AGAP1: variants seen among roughly 807,000 people sequenced by gnomAD.
The protein encoded by AGAP1 is arf-GAP with GTPase, ANK repeat and PH domain-containing protein 1.
In AGAP1, 29 loss-of-function variants were observed where a neutral mutation model predicts 105.3. That is an observed-to-expected ratio of 0.28 (90% confidence interval 0.21 to 0.38). The LOEUF is 0.38. Among genes scored for constraint, AGAP1 ranks in the 10% least tolerant of loss-of-function variants. The pLI, the probability that AGAP1 is intolerant of heterozygous loss-of-function variation, is 1.00. For missense variants in AGAP1, 998 were observed against 1,165.1 expected (o/e 0.86, Z 2.09); for synonymous variants, 509 against 485.9 (o/e 1.05, Z -0.63).
At position 235,930,895 on chromosome 2, in the gene AGAP1, G is replaced by A. The variant is rs139269631; in HGVS notation, c.1455G>A (p.Thr485=). 1.4e-5 allele frequency: 22 copies of A among 1,613,888 alleles called. No individual in the cohort carries two copies. Among genetic ancestry groups the A allele is most frequent in the African/African-American group, 6.7e-5 (5 of 74,894 alleles). The part of the protein sequence containing the change: ...VSSADQWSEA[T]VIANSAISSD... ...GTGCCGACCAGTGGAGTGAGGCTACGGTCATTGCAAACTCGGCCATCAGCA... is the reference window on the plus strand; with the variant it reads ...GTGCCGACCAGTGGAGTGAGGCTACAGTCATTGCAAACTCGGCCATCAGCA... The change falls in exon 12 of 18, where the codon ACG becomes ACA. Residue 485 remains threonine, a synonymous_variant. Coordinates refer to ENST00000304032, the MANE Select transcript of AGAP1 (RefSeq NM_001037131.3). The surrounding 1 kb of genome is among the most constrained non-coding windows in gnomAD (Gnocchi z 7.9).
intron 1 of AGAP1, among the ~76,000 whole-genome samples, chr2:235,681,350 C>T (rs1346778589): frequency 1.3e-5 from 2 of 152,148 alleles, no homozygotes; most frequent in African/African-American, 2.4e-5. Context: ...TTCTTACGCG[C>T]CTCCCGAGGA....
chr2:235,734,395 G>A lies in AGAP1; in HGVS notation c.311-6568G>A, dbSNP rs747835368. Among the ~76,000 whole-genome samples the A allele has an allele frequency of 3.9e-5, 6 of 152,180 alleles. No individual in the cohort carries two copies. The highest frequency in any genetic ancestry group is 5.9e-5 in the Non-Finnish European group (4 of 68,000). On this transcript the variant is annotated intron_variant, in intron 3 of 17. Transcript: ENST00000304032. This position sits in a 1 kb window ranked among gnomAD's most constrained non-coding sequence, Gnocchi z 5.3. ...CCAGCTTGCATCTGCTGAAAGAACCGGGGTGGCCCCACTGCATCTTGATCA... is the reference window on the plus strand; with the variant it reads ...CCAGCTTGCATCTGCTGAAAGAACCAGGGTGGCCCCACTGCATCTTGATCA...
intron 1 of AGAP1, among the ~76,000 whole-genome samples, chr2:235,511,596 A>G (rs983910596): frequency 3.9e-5 from 6 of 152,092 alleles, no homozygotes; most frequent in African/African-American, 1.4e-4. Context: ...TTATTAACCT[A>G]TGCTGGGCCC....
Position 235,608,652 on chromosome 2 carries a change from A to G in AGAP1, c.164-100527A>G, listed in dbSNP as rs2149249974. Among the ~76,000 whole-genome samples the G allele has an allele frequency of 6.6e-6, 1 of 152,316 alleles. No homozygotes were observed. The highest frequency in any genetic ancestry group is 2.4e-5 in the African/African-American group (1 of 41,570). On this transcript the variant is annotated intron_variant, in intron 1 of 17. Coordinates refer to ENST00000304032, the MANE Select transcript of AGAP1 (RefSeq NM_001037131.3). The surrounding 1 kb of genome is among the most constrained non-coding windows in gnomAD (Gnocchi z 5.4). ...CCCAGGCCCAGAAAACAGTGGAGCC[A>G]AGAGAGGAACGAGGTCTCTGGATTC...
Position 235,692,404 on chromosome 2 carries a change from G to A in AGAP1, c.164-16775G>A, listed in dbSNP as rs181062023. Among the ~76,000 whole-genome samples, 175 of 152,232 alleles carry A rather than the reference G, an allele frequency of 1.1e-3. 1 individual carries two copies. In the South Asian group the frequency reaches 0.013, roughly 11 times the overall value. On this transcript the variant is annotated intron_variant, in intron 1 of 17. Coordinates refer to ENST00000304032, the MANE Select transcript of AGAP1 (RefSeq NM_001037131.3). This position sits in a 1 kb window ranked among gnomAD's most constrained non-coding sequence, Gnocchi z 5.8. ...CCAGGTGCACATCGAGCCTAATCTG[G>A]CTTAGGAAACAGGAGGGGCACCAGC...
chr2:235,987,085 A>G (rs532026088), intron 13 of AGAP1, among the ~76,000 whole-genome samples: 1 of 151,890 alleles, frequency 6.6e-6, no homozygotes, highest in East Asian at 1.9e-4. Context: ...TTCAGCTGTG[A>G]ATCTGGTCCT....
intron 6 of AGAP1, among the ~76,000 whole-genome samples, chr2:235,765,959 A>G (rs1954916799): frequency 6.6e-6 from 1 of 152,114 alleles, no homozygotes; most frequent in Non-Finnish European, 1.5e-5. Context: ...ACCTAGCTCG[A>G]CCCTTCCCTT....
chr2:235,939,843 A>C (rs2053176100), intron 12 of AGAP1, among the ~76,000 whole-genome samples: 1 of 152,064 alleles, frequency 6.6e-6, no homozygotes, highest in South Asian at 2.1e-4. Flanking sequence ...CTCAGACGAT[A>C]GATGTGGCCC....
rs961710116 is a variant in AGAP1, at chr2:236,068,133, G to T, written c.2114+18852G>T. ...CTAAAAATACGAAATTTAGCTGGGC[G>T]TTGTGGCATGTGCCTGTAATCCCAG... On this transcript the variant is annotated intron_variant, in intron 16 of 17. Coordinates refer to ENST00000304032, the MANE Select transcript of AGAP1 (RefSeq NM_001037131.3). Among the ~76,000 whole-genome samples, 4 of 152,136 alleles carry T rather than the reference G, an allele frequency of 2.6e-5. No homozygotes were observed. In the East Asian group the frequency reaches 7.7e-4, roughly 29 times the overall value.
Position 235,738,383 on chromosome 2 carries a change from T to C in AGAP1, c.311-2580T>C, listed in dbSNP as rs1952374265. Reference sequence around the variant, plus strand: ...TTTCACAGGTGAGGAAACTGAGGCATCGAGCAGTTGAGTTACGTGCTGGAG... The same window carrying C: ...TTTCACAGGTGAGGAAACTGAGGCACCGAGCAGTTGAGTTACGTGCTGGAG... On this transcript the variant is annotated intron_variant, in intron 3 of 17. Coordinates refer to ENST00000304032, the MANE Select transcript of AGAP1 (RefSeq NM_001037131.3). Among the ~76,000 whole-genome samples, 6 of 152,000 alleles carry C rather than the reference T, an allele frequency of 3.9e-5. No homozygotes were observed. In the South Asian group the frequency reaches 1.2e-3, roughly 32 times the overall value.
intron 16 of AGAP1, among the ~76,000 whole-genome samples, chr2:236,054,816 C>T (rs1371158223): frequency 6.6e-6 from 1 of 152,146 alleles, no homozygotes; most frequent in Non-Finnish European, 1.5e-5. Context: ...GTTAATTTGC[C>T]ACGATCACCG....
At chr2:236,013,542 G>A (rs2056591019) in intron 13 of AGAP1, among the ~76,000 whole-genome samples, 3 of 152,056 alleles carry the variant, frequency 2.0e-5, no homozygotes, top group Non-Finnish European at 2.9e-5. Flanking sequence ...CAGCCTGGCT[G>A]CCTGCTTTGC....
rs1030294478 is a variant in AGAP1 at position 235,721,293 on chromosome 2, C to A, written c.310+3649C>A. On this transcript the variant is annotated intron_variant, in intron 3 of 17. Transcript: ENST00000304032. The surrounding 1 kb of genome is among the most constrained non-coding windows in gnomAD (Gnocchi z 4.5). ...AAAGTGCTGGGATTACAGGCATGAG[C>A]CACCACGTCCAGCCAAGACTTAGAT... Among the ~76,000 whole-genome samples, 1 of 152,208 alleles carries A rather than the reference C, an allele frequency of 6.6e-6. No homozygotes were observed. Among genetic ancestry groups the A allele is most frequent in the African/African-American group, 2.4e-5 (1 of 41,450 alleles).
chr2:235,545,851 G>A (rs575733940), intron 1 of AGAP1, among the ~76,000 whole-genome samples: 1 of 152,190 alleles, frequency 6.6e-6, no homozygotes, highest in Non-Finnish European at 1.5e-5. Flanking sequence ...ACACACCTCC[G>A]ATATCTGGTG....
At chr2:235,818,120 A>C (rs1237686017) in intron 9 of AGAP1, among the ~76,000 whole-genome samples, 1 of 152,212 alleles carries the variant, frequency 6.6e-6, no homozygotes, top group Admixed American at 6.5e-5. Flanking sequence ...CATCAGAATC[A>C]ACCACATTAT....
chr2:235,598,786 T>C (rs2149229528), intron 1 of AGAP1, among the ~76,000 whole-genome samples: 1 of 152,352 alleles, frequency 6.6e-6, no homozygotes. Context: ...GTGGGACGTC[T>C]TAGTCCCACT....
intron 1 of AGAP1, among the ~76,000 whole-genome samples, chr2:235,707,259 C>T (rs114899742): frequency 0.013 from 2,006 of 152,324 alleles, 60 homozygotes; most frequent in African/African-American, 0.046. Flanking sequence ...GGGCCTCTGC[C>T]GGTCTGCTCT....
rs569286409 is a variant in AGAP1, at chr2:235,703,557, C to G, written c.164-5622C>G. On this transcript the variant is annotated intron_variant, in intron 1 of 17. Transcript: ENST00000304032. ...AATTGCTCCCCTCTTCTCCCCTCCCCCTCCTTCCCCTCCCCCGCTTCCCTC... is the reference window on the plus strand; with the variant it reads ...AATTGCTCCCCTCTTCTCCCCTCCCGCTCCTTCCCCTCCCCCGCTTCCCTC... 2.6e-4 allele frequency among the ~76,000 whole-genome samples: 38 copies of G among 145,712 alleles called. No individual in the cohort carries two copies. In the South Asian group the frequency reaches 8.2e-3, roughly 31 times the overall value.
At chr2:235,537,930 G>A (rs907485207) in intron 1 of AGAP1, among the ~76,000 whole-genome samples, 2 of 152,158 alleles carry the variant, frequency 1.3e-5, no homozygotes, top group Admixed American at 6.5e-5. Context: ...CCCCTGAATA[G>A]CAGGCTTGAC....
Sources: allele counts gnomAD v4.1 joint callset (sites outside exome capture counted in the v4.1 genomes callset), GRCh38; gene constraint gnomAD v4.1.1; non-coding constraint Gnocchi (gnomAD v3.1); transcripts MANE v1.5; gene names NCBI Gene and HGNC (gene_info 2026-07-23, HGNC 2026-07-21).